Variants in ABCC11 observed in about 807,000 individuals in gnomAD.
ABCC11 encodes the protein ATP-binding cassette sub-family C member 11.
A neutral mutation model predicts 149.3 loss-of-function variants in ABCC11; 135 were observed. The observed-to-expected ratio is 0.90, with a 90% confidence interval of 0.79 to 1.04. The LOEUF (loss-of-function observed/expected upper bound fraction) is 1.04, where lower values mean the gene tolerates loss of function less well. Among genes scored for constraint, ABCC11 ranks in the 50% least tolerant of loss-of-function variants. The pLI is 0.00. For missense variants in ABCC11, 1,680 were observed against 1,722.1 expected, an observed-to-expected ratio of 0.98 and a Z score of 0.43; for synonymous variants, 665 against 671.4, an observed-to-expected ratio of 0.99 and a Z score of 0.15.
chr16:48,215,109 A>G (rs1195657110), intron 8 of ABCC11, 80 bp from the exon 9 acceptor site: 3 of 1,581,788 alleles, frequency 1.9e-6, no homozygotes, highest in Non-Finnish European at 2.6e-6. Context: ...CCAAAGCATT[A>G]AAAAGAAAAA....
intron 24 of ABCC11, 79 bp from the exon 25 acceptor site, chr16:48,177,192 G>A (rs985493202): frequency 1.5e-5 from 22 of 1,445,224 alleles, no homozygotes; most frequent in Middle Eastern, 2.0e-4. Context: ...CCAGCCTCCC[G>A]CTGTAGGGGG....
rs530379944 is a variant in ABCC11 at position 48,200,287 on chromosome 16, G to A, written c.2071C>T (p.His691Tyr). ...GGAAGGGTGCTAACCTGCAGCTGGT[G>A]GGTCACCAGGACGACCGTCTTCCCC... ...LRGKTVVLVT[H>Y]QLQYLEFCGQ... The change falls in exon 15 of 30, where the codon CAC (histidine) becomes TAC (tyrosine). Residue 691 changes from histidine (H) to tyrosine (Y), a missense_variant. Physicochemically the swap from His to Tyr is moderately conservative, Grantham distance 83. Coordinates refer to ENST00000356608, the MANE Select transcript of ABCC11 (RefSeq NM_001370497.1). 286 of 1,614,104 alleles carry A rather than the reference G, an allele frequency of 1.8e-4. 1 individual carries two copies. In the South Asian group the frequency reaches 2.9e-3, roughly 16 times the overall value.
rs1318506812 is a variant in ABCC11 at position 48,166,783 on chromosome 16, T to C, written c.*491A>G. On this transcript the variant is annotated 3_prime_UTR_variant, in exon 30 of 30. Coordinates refer to ENST00000356608, the MANE Select transcript of ABCC11 (RefSeq NM_001370497.1). ...AGGAGGCTGAGGCAGGAGAATTGCT[T>C]GAACCTGGGAGGCAGAGGCTACAGT... The C allele has an allele frequency of 6.5e-6, 1 of 153,082 alleles. No homozygotes were observed. Among genetic ancestry groups the C allele is most frequent in the African/African-American group, 2.4e-5 (1 of 41,440 alleles). 9.5% of individuals were successfully genotyped at this position (153,082 alleles called of 1,614,324 possible).
At chr16:48,215,148 C>T in intron 8 of ABCC11, 49 bp downstream of exon 8, 7 of 1,595,196 alleles carry the variant, frequency 4.4e-6, no homozygotes, top group Non-Finnish European at 5.1e-6. Context: ...AGGGGCTCGG[C>T]TTACCATGCC....
intron 22 of ABCC11, 134 bp downstream of exon 22, chr16:48,186,819 G>A (rs2150766182): frequency 8.7e-7 from 1 of 1,146,256 alleles, no homozygotes; most frequent in South Asian, 1.6e-5. Flanking sequence ...TGGAGGCTCA[G>A]AGAAATACGT....
chr16:48,179,157 A>G (rs148142403), intron 23 of ABCC11, among the ~76,000 whole-genome samples: 111 of 152,320 alleles, frequency 7.3e-4, no homozygotes, highest in Non-Finnish European at 1.4e-3. Context: ...GTTGAGCCCT[A>G]GTGACATAGA....
intron 12 of ABCC11, among the ~76,000 whole-genome samples, chr16:48,206,947 AT>A (rs907012529): frequency 1.3e-5 from 2 of 152,050 alleles, no homozygotes; most frequent in Admixed American, 6.6e-5. Context: ...TAGTTTTACA[AT>A]TTTTTTTAAT....
chr16:48,207,952 C>G lies in ABCC11; in HGVS notation c.1680+473G>C, dbSNP rs374210107. 2.7e-4 allele frequency among the ~76,000 whole-genome samples: 41 copies of G among 152,252 alleles called. 1 individual carries two copies. The highest frequency in any genetic ancestry group is 8.9e-4 in the African/African-American group (37 of 41,538). On this transcript the variant is annotated intron_variant, in intron 12 of 29. Coordinates refer to ENST00000356608, the MANE Select transcript of ABCC11 (RefSeq NM_001370497.1). ...CCTTCTTTCTCCCTGTTTCTCCCCC[C>G]ACATTTCTCTTCCGACGCCATCCTA...
intron 18 of ABCC11, among the ~76,000 whole-genome samples, chr16:48,194,587 C>T (rs567487314): frequency 6.6e-6 from 1 of 152,312 alleles, no homozygotes; most frequent in South Asian, 2.1e-4. Flanking sequence ...GAAAGTGAGG[C>T]CTCTAAGAGG....
rs9928527 is a variant in ABCC11, at chr16:48,236,952, C to T, written c.-18-5013G>A. On this transcript the variant is annotated intron_variant, in intron 1 of 29. Transcript: ENST00000356608. The stretch of plus-strand genomic sequence containing the variant: ...TGCCTAGTGTTCCATTATGGGAATG[C>T]TAAGCATGTGAAAGTTATTTATATC... Among the ~76,000 whole-genome samples the T allele has an allele frequency of 4.3e-3, 654 of 152,274 alleles. 4 individuals carry two copies. Among genetic ancestry groups the T allele is most frequent in the African/African-American group, 0.015 (614 of 41,566 alleles).
intron 1 of ABCC11, among the ~76,000 whole-genome samples, chr16:48,246,533 A>G (rs1348415317): frequency 5.9e-5 from 9 of 152,134 alleles, no homozygotes; most frequent in African/African-American, 2.2e-4. Context: ...ATTTGTTGGT[A>G]TTATTCTGGC....
rs16945928 is a variant in ABCC11 at position 48,200,299 on chromosome 16, C to T, written c.2059G>A (p.Val687Ile). 1,808 of 1,614,076 alleles carry T rather than the reference C, an allele frequency of 1.1e-3. 14 individuals carry two copies. In the African/African-American group the frequency reaches 0.018, roughly 16 times the overall value. The part of the protein sequence containing the change: ...IKKTLRGKTV[V>I]LVTHQLQYLE... ...ACCTGCAGCTGGTGGGTCACCAGGA[C>T]GACCGTCTTCCCCCTGAGTGTCTTC... Residue 687 changes from valine to isoleucine, a missense_variant, in exon 15 of 30, where the codon GTC (valine) becomes ATC (isoleucine). Transcript: ENST00000356608.
chr16:48,244,221 C>CTA, intron 1 of ABCC11: 1 of 555,182 alleles, frequency 1.8e-6, no homozygotes, highest in Non-Finnish European at 3.1e-6. Context: ...GGAGGCTCTC[C>CTA]TAGAGAGCAG....
Position 48,170,182 on chromosome 16 carries a change from C to A in ABCC11, c.3814G>T (p.Val1272Leu). Residue 1272 changes from valine (V) to leucine (L), a missense_variant, in exon 28 of 30, where the codon GTG (valine) becomes TTG (leucine). Physicochemically the swap from Val to Leu is conservative, Grantham distance 32. Transcript: ENST00000356608. ...KFPKKLHTDV[V>L]ENGGNFSVGE... ...ACAGAGAAGTTTCCACCGTTTTCCACCACATCTGTATGCAGCTTTTTGGGG... is the reference window on the plus strand; with the variant it reads ...ACAGAGAAGTTTCCACCGTTTTCCAACACATCTGTATGCAGCTTTTTGGGG... 1 of 1,614,144 alleles carries A rather than the reference C, an allele frequency of 6.2e-7. No individual in the cohort carries two copies.
chr16:48,184,118 A>G (rs1370979217), intron 23 of ABCC11, among the ~76,000 whole-genome samples: 1 of 151,736 alleles, frequency 6.6e-6, no homozygotes, highest in Non-Finnish European at 1.5e-5. Flanking sequence ...TGTTTGGACA[A>G]CTCCTTCCCT....
intron 4 of ABCC11, among the ~76,000 whole-genome samples, chr16:48,226,663 T>C (rs1249406270): frequency 2.6e-5 from 4 of 152,242 alleles, no homozygotes; most frequent in Non-Finnish European, 4.4e-5. Context: ...CTGACTAATA[T>C]CTGGCATTAT....
rs1194037106 is a variant in ABCC11 at position 48,230,480 on chromosome 16, C to G, written c.193G>C (p.Asp65His). ...RAAVPPWGKY[D>H]AALRTMIPFR... is the part of the protein sequence containing the mutation. Reference sequence around the variant, plus strand: ...GGAATCATGGTTCTCAAGGCAGCATCATACTTCCCCCACGGTGGGACAGCT... The same window carrying G: ...GGAATCATGGTTCTCAAGGCAGCATGATACTTCCCCCACGGTGGGACAGCT... Residue 65 changes from aspartate (D) to histidine (H), a missense_variant, in exon 3 of 30, where the codon GAT becomes CAT. Coordinates refer to ENST00000356608, the MANE Select transcript of ABCC11 (RefSeq NM_001370497.1). The G allele has an allele frequency of 1.2e-6, 2 of 1,612,394 alleles. No individual in the cohort carries two copies. Among genetic ancestry groups the G allele is most frequent in the Non-Finnish European group, 1.7e-6 (2 of 1,179,284 alleles).
intron 1 of ABCC11, among the ~76,000 whole-genome samples, 181 bp downstream of exon 1, chr16:48,247,133 C>G (rs566791590): frequency 6.6e-6 from 1 of 152,272 alleles, no homozygotes; most frequent in Non-Finnish European, 1.5e-5. Flanking sequence ...CTTAAAAAGC[C>G]TATGTGGAAA....
intron 10 of ABCC11, among the ~76,000 whole-genome samples, chr16:48,212,490 C>A (rs184717137): frequency 1.3e-5 from 2 of 152,306 alleles, no homozygotes; most frequent in East Asian, 3.9e-4. Context: ...TTGTGTTGGG[C>A]CACATTCAAA....
Sources: gnomAD v4.1 joint callset for allele counts (sites outside exome capture counted in the v4.1 genomes callset) on GRCh38, gnomAD v4.1.1 for gene constraint, MANE v1.5 for transcripts, NCBI Gene and HGNC (gene_info 2026-07-23, HGNC 2026-07-21) for gene names.